The following FSHR variants were observed in gnomAD, a reference collection of about 807,000 sequenced individuals.
FSHR encodes the protein follicle-stimulating hormone receptor.
Under a neutral mutation model 52.1 loss-of-function variants are expected in FSHR, and 46 were observed. That is an observed-to-expected ratio of 0.88 (90% CI 0.70 to 1.13). FSHR has a LOEUF of 1.13. Ranked by LOEUF, FSHR falls within the 50% of genes most tolerant of loss-of-function variation. FSHR has a pLI of 0.00. For missense variants in FSHR, 964 were observed against 834.6 expected (o/e 1.16, Z -1.91); for synonymous variants, 399 against 309.6 (o/e 1.29, Z -3.03).
chr2:49,101,652 T>G (rs1050674500), intron 1 of FSHR, among the ~76,000 whole-genome samples: 53 of 152,148 alleles, frequency 3.5e-4, no homozygotes, highest in African/African-American at 1.3e-3. Flanking sequence ...TCTTTGTCCA[T>G]TGTCTGTTGC....
At chr2:49,068,324 T>C (rs373463644) in intron 1 of FSHR, 34 bp from the exon 2 acceptor site, 4 of 1,536,540 alleles carry the variant, frequency 2.6e-6, no homozygotes, top group Non-Finnish European at 3.6e-6. Flanking sequence ...TATCACAACC[T>C]ATCCATTAAT....
intron 4 of FSHR, among the ~76,000 whole-genome samples, chr2:49,005,829 G>T (rs1667056505): frequency 6.6e-6 from 1 of 152,126 alleles, no homozygotes; most frequent in African/African-American, 2.4e-5. Flanking sequence ...ATGGATTGAA[G>T]GATGCAAAGT....
chr2:48,986,582 A>G (rs1292023259), intron 6 of FSHR, among the ~76,000 whole-genome samples: 1 of 152,214 alleles, frequency 6.6e-6, no homozygotes, highest in African/African-American at 2.4e-5. Flanking sequence ...CACAAAAGTG[A>G]GTTTATCCTT....
At chr2:49,138,998 T>C (rs539749678) in intron 1 of FSHR, among the ~76,000 whole-genome samples, 1 of 152,312 alleles carries the variant, frequency 6.6e-6, no homozygotes, top group Admixed American at 6.5e-5. Flanking sequence ...AGCTTAAAAT[T>C]GTAGGCTTTG....
intron 1 of FSHR, among the ~76,000 whole-genome samples, chr2:49,068,824 G>T (rs150392535): frequency 6.6e-6 from 1 of 151,986 alleles, no homozygotes; most frequent in East Asian, 1.9e-4. Flanking sequence ...ACTCTCCAGG[G>T]TCCTAAGAAT....
At chr2:49,133,390 C>T (rs1672366078) in intron 1 of FSHR, among the ~76,000 whole-genome samples, 1 of 152,114 alleles carries the variant, frequency 6.6e-6, no homozygotes, top group African/African-American at 2.4e-5. Flanking sequence ...AACCACTTAA[C>T]TACAAACCAC....
At chr2:49,125,467 T>C (rs1671963174) in intron 1 of FSHR, among the ~76,000 whole-genome samples, 2 of 152,190 alleles carry the variant, frequency 1.3e-5, no homozygotes, top group South Asian at 2.1e-4. Context: ...TTATTACCTA[T>C]TTTTTGTGTT....
At chr2:49,072,199 G>A (rs1167448198) in intron 1 of FSHR, among the ~76,000 whole-genome samples, 3 of 151,960 alleles carry the variant, frequency 2.0e-5, no homozygotes, top group Non-Finnish European at 2.9e-5. Flanking sequence ...GACCCATGTG[G>A]AAAGAACAAA....
chr2:49,051,963 G>T (rs925622498), intron 2 of FSHR, among the ~76,000 whole-genome samples: 3 of 151,962 alleles, frequency 2.0e-5, no homozygotes, highest in African/African-American at 4.8e-5. Flanking sequence ...TTTCCGTATT[G>T]AATTCTAGAA....
chr2:49,007,648 T>C (rs1045201827), intron 4 of FSHR, among the ~76,000 whole-genome samples: 1 of 152,132 alleles, frequency 6.6e-6, no homozygotes, highest in African/African-American at 2.4e-5. Flanking sequence ...ATTTCCATGA[T>C]AGAATGCTGA....
At chr2:48,976,090 T>C (rs980225839) in intron 8 of FSHR, among the ~76,000 whole-genome samples, 2 of 152,226 alleles carry the variant, frequency 1.3e-5, no homozygotes, top group Admixed American at 6.5e-5. Context: ...GCTTCCAGTT[T>C]TTGCCCATTC....
rs1185192321 is a variant in FSHR, at chr2:48,963,887, A to G, written c.934T>C (p.Ser312Pro). 1 of 1,613,286 alleles carries G rather than the reference A, an allele frequency of 6.2e-7. No homozygotes were observed. The highest frequency in any genetic ancestry group is 8.5e-7 in the Non-Finnish European group (1 of 1,179,302). ...DYMTQARGQR[S>P]SLAEDNESSY... ...GACTCATTGTCTTCTGCCAGAGAGGATCTCTGACCCCTAGCCTGAGTCATA... is the reference window on the plus strand; with the variant it reads ...GACTCATTGTCTTCTGCCAGAGAGGGTCTCTGACCCCTAGCCTGAGTCATA... Residue 312 changes from serine (S) to proline (P), a missense_variant, in exon 10 of 10, where the codon TCC (serine) becomes CCC (proline). By Grantham distance (74) the Ser-to-Pro change is moderately conservative (BLOSUM62 -1). Coordinates refer to ENST00000406846, the MANE Select transcript of FSHR (RefSeq NM_000145.4).
At chr2:49,146,217 C>A (rs540733383) in intron 1 of FSHR, among the ~76,000 whole-genome samples, 5 of 152,162 alleles carry the variant, frequency 3.3e-5, no homozygotes, top group African/African-American at 1.2e-4. Context: ...CCACAAGAGG[C>A]AATGCCATCT....
At chr2:49,131,583 C>T (rs1672279688) in intron 1 of FSHR, among the ~76,000 whole-genome samples, 1 of 152,150 alleles carries the variant, frequency 6.6e-6, no homozygotes, top group Non-Finnish European at 1.5e-5. Flanking sequence ...TTCTTTCTAC[C>T]TAAACCTCCA....
chr2:48,988,415 C>T (rs952475579), intron 6 of FSHR, among the ~76,000 whole-genome samples: 1 of 152,162 alleles, frequency 6.6e-6, no homozygotes, highest in South Asian at 2.1e-4. Flanking sequence ...TAAACTGCTA[C>T]AGGGGCTACT....
intron 1 of FSHR, among the ~76,000 whole-genome samples, chr2:49,092,011 A>T (rs1451402092): frequency 6.6e-6 from 1 of 152,202 alleles, no homozygotes; most frequent in African/African-American, 2.4e-5. Flanking sequence ...ACAACACAGT[A>T]TGGCTTTCCA....
At chr2:48,985,342 C>G (rs149181918) in intron 6 of FSHR, among the ~76,000 whole-genome samples, 13 of 152,272 alleles carry the variant, frequency 8.5e-5, no homozygotes, top group African/African-American at 2.6e-4. Context: ...GCAAGGGAGA[C>G]GGGCAGACTG....
At chr2:49,064,021 CTG>C (rs1268305963) in intron 2 of FSHR, among the ~76,000 whole-genome samples, 17 of 151,430 alleles carry the variant, frequency 1.1e-4, no homozygotes, top group Middle Eastern at 3.4e-3. Context: ...AAAGAAAAAA[CTG>C]TGGAACAAGA....
intron 4 of FSHR, among the ~76,000 whole-genome samples, chr2:48,992,513 A>G (rs1401843178): frequency 2.0e-5 from 3 of 152,166 alleles, no homozygotes; most frequent in Admixed American, 2.0e-4. Flanking sequence ...GTGATTCAGG[A>G]CTGTCTTTTC....
Sources: gnomAD v4.1 joint callset for allele counts (sites outside exome capture counted in the v4.1 genomes callset) on GRCh38, gnomAD v4.1.1 for gene constraint, MANE v1.5 for transcripts, NCBI Gene and HGNC (gene_info 2026-07-23, HGNC 2026-07-21) for gene names.